OR6N1: variants seen among roughly 807,000 people sequenced by gnomAD.
OR6N1 encodes the protein olfactory receptor family 6 subfamily N member 1, also known as olfactory receptor 6N1.
For synonymous variants in OR6N1, 170 were observed against 150.7 expected (o/e 1.13, Z -0.94); for missense variants, 394 against 371.7 (o/e 1.06, Z -0.49).
chr1:158,767,969 A>G (rs894868155), intron 1 of OR6N1, among the ~76,000 whole-genome samples: 5 of 152,000 alleles, frequency 3.3e-5, no homozygotes, highest in African/African-American at 1.2e-4. Context: ...TACTTGGACT[A>G]TCTGTTTCTT....
chr1:158,791,678 C>T, the OR6N1 span, among the ~76,000 whole-genome samples: 2 of 152,010 alleles, frequency 1.3e-5, no homozygotes, highest in African/African-American at 2.4e-5. Context: ...CCATTTTTGC[C>T]AGGATGGTCT....
chr1:158,794,627 G>C, the OR6N1 span, among the ~76,000 whole-genome samples: 1 of 152,200 alleles, frequency 6.6e-6, no homozygotes, highest in Admixed American at 6.5e-5. Flanking sequence ...GGTTTCCTTA[G>C]TTAGAAATAG....
chr1:158,790,916 C>T, the OR6N1 span, among the ~76,000 whole-genome samples: 1 of 152,168 alleles, frequency 6.6e-6, no homozygotes, highest in East Asian at 1.9e-4. Context: ...TCATATATGG[C>T]TTTTACCATG....
chr1:158,820,045 G>C, the OR6N1 span, among the ~76,000 whole-genome samples: 3 of 152,304 alleles, frequency 2.0e-5, no homozygotes, highest in African/African-American at 7.2e-5. Context: ...CATAAGATTT[G>C]CTAAAAATAT....
rs1215137900 is a variant in OR6N1 at position 158,764,315 on chromosome 1, A to T, written c.*1429T>A. ...CAAAGACAAGTGAAAAAAAAGGAGA[A>T]TGCATGTTTATCTTAATACTACTTC... On this transcript the variant is annotated 3_prime_UTR_variant, in exon 2 of 2. Transcript: ENST00000641846. 1 of 151,384 alleles carries T rather than the reference A, an allele frequency of 6.6e-6. No individual in the cohort carries two copies. The highest frequency in any genetic ancestry group is 1.9e-4 in the East Asian group (1 of 5,188). 9.4% of individuals were successfully genotyped at this position (151,384 alleles called of 1,614,324 possible).
At chr1:158,820,748 C>T in the OR6N1 span, among the ~76,000 whole-genome samples, 5 of 152,180 alleles carry the variant, frequency 3.3e-5, no homozygotes, top group African/African-American at 1.2e-4. Flanking sequence ...GTGGACAAAG[C>T]CACTTCTGAA....
At chr1:158,787,570 C>T in the OR6N1 span, among the ~76,000 whole-genome samples, 1 of 149,598 alleles carries the variant, frequency 6.7e-6, no homozygotes, top group Admixed American at 6.7e-5. Flanking sequence ...GTTTAGCAAA[C>T]CATTACATGT....
At chr1:158,783,600 C>A in the OR6N1 span, among the ~76,000 whole-genome samples, 1 of 152,138 alleles carries the variant, frequency 6.6e-6, no homozygotes. Context: ...TGTTCCAAGC[C>A]TTATTCTATT....
At chr1:158,790,670 C>T in the OR6N1 span, among the ~76,000 whole-genome samples, 1 of 152,148 alleles carries the variant, frequency 6.6e-6, no homozygotes, top group Non-Finnish European at 1.5e-5. Context: ...TCCCAAAGTG[C>T]TGGGATTACA....
upstream of OR6N1, among the ~76,000 whole-genome samples, chr1:158,772,716 C>T (rs572201971): frequency 1.2e-4 from 18 of 152,274 alleles, no homozygotes; most frequent in South Asian, 3.5e-3. Context: ...GTGTTATCTG[C>T]TCCGTAAAGA....
chr1:158,799,231 C>G, the OR6N1 span, among the ~76,000 whole-genome samples: 6 of 152,182 alleles, frequency 3.9e-5, no homozygotes, highest in African/African-American at 1.4e-4. Flanking sequence ...CTTAAAAAGA[C>G]TGTATGATTT....
At chr1:158,829,287 T>C in the OR6N1 span, among the ~76,000 whole-genome samples, 1 of 152,248 alleles carries the variant, frequency 6.6e-6, no homozygotes, top group East Asian at 1.9e-4. Context: ...TTCCAAATTT[T>C]TATGCTCTGT....
At chr1:158,768,869 G>C (rs565463891) in intron 1 of OR6N1, among the ~76,000 whole-genome samples, 9 of 152,014 alleles carry the variant, frequency 5.9e-5, no homozygotes, top group Non-Finnish European at 1.3e-4. Context: ...CAGAGGACTT[G>C]TCATGTTCTA....
At chr1:158,787,636 C>CT in the OR6N1 span, among the ~76,000 whole-genome samples, 2 of 72,764 alleles carry the variant, frequency 2.7e-5, no homozygotes, top group Non-Finnish European at 5.2e-5. Context: ...CTCTCTCTCT[C>CT]ACACACACAC....
At chr1:158,839,437 G>A in the OR6N1 span, among the ~76,000 whole-genome samples, 3 of 151,956 alleles carry the variant, frequency 2.0e-5, no homozygotes, top group Admixed American at 2.0e-4. Flanking sequence ...TTGCCTTCTG[G>A]CACCCAGGGA....
the OR6N1 span, among the ~76,000 whole-genome samples, chr1:158,798,802 T>G: frequency 2.1e-4 from 32 of 152,354 alleles, no homozygotes; most frequent in African/African-American, 6.5e-4. Flanking sequence ...CTTACTCTGA[T>G]AGTGGGCGTG....
At chr1:158,777,594 G>A in the OR6N1 span, 1 of 1,613,906 alleles carries the variant, frequency 6.2e-7, no homozygotes, top group East Asian at 2.2e-5. Flanking sequence ...CAAAGCCAAG[G>A]AACACAAATT....
the OR6N1 span, among the ~76,000 whole-genome samples, chr1:158,816,767 C>T: frequency 2.0e-5 from 3 of 152,228 alleles, no homozygotes; most frequent in South Asian, 4.1e-4. Context: ...GGACCAACAC[C>T]TTCCCATCTC....
At chr1:158,805,642 A>G in the OR6N1 span, among the ~76,000 whole-genome samples, 1 of 152,060 alleles carries the variant, frequency 6.6e-6, no homozygotes, top group Non-Finnish European at 1.5e-5. Flanking sequence ...TCTAAAGGAA[A>G]TACCCAAGGA....
Sources: gnomAD v4.1 joint callset for allele counts (sites outside exome capture counted in the v4.1 genomes callset) on GRCh38, gnomAD v4.1.1 for gene constraint, MANE v1.5 for transcripts, NCBI Gene and HGNC (gene_info 2026-07-23, HGNC 2026-07-21) for gene names.